Variants in FLRT2 observed in about 807,000 individuals in gnomAD.
FLRT2 encodes the protein fibronectin leucine rich transmembrane protein 2.
FLRT2 carries 15 observed loss-of-function variants against 40.0 expected under a neutral mutation model. The ratio of observed to expected loss-of-function variants is 0.38; its 90% CI spans 0.25 to 0.58. The LOEUF (loss-of-function observed/expected upper bound fraction) is 0.58. Among genes scored for constraint, FLRT2 ranks in the 20% least tolerant of loss-of-function variants. The pLI, the probability that FLRT2 is intolerant of heterozygous loss-of-function variation, is 0.71. For synonymous variants in FLRT2, 380 were observed against 336.8 expected (o/e 1.13, Z -1.41); for missense variants, 726 against 840.0 (o/e 0.86, Z 1.68).
At chr14:85,571,676 G>A (rs1452142916) in intron 1 of FLRT2, among the ~76,000 whole-genome samples, 3 of 152,140 alleles carry the variant, frequency 2.0e-5, no homozygotes, top group African/African-American at 7.2e-5. Flanking sequence ...GCCAAAGGGA[G>A]GCACAGCTTC....
chr14:85,538,138 T>G (rs933163047), intron 1 of FLRT2, among the ~76,000 whole-genome samples: 2 of 152,142 alleles, frequency 1.3e-5, no homozygotes, highest in Non-Finnish European at 2.9e-5. Flanking sequence ...ATACCACCTC[T>G]AACTTAATTT....
At position 85,546,975 on chromosome 14, in the gene FLRT2, A is replaced by G. The variant is rs540711021; in HGVS notation, c.-377+16441A>G. Among the ~76,000 whole-genome samples the G allele has an allele frequency of 3.3e-5, 5 of 152,290 alleles. No individual in the cohort carries two copies. The South Asian group carries it at 1.0e-3, about 32-fold the overall frequency. ...ATTCATCGTCACGTGTTCTGTCACT[A>G]GTCTTAGGCACTTAAAACAAATTTC... is the stretch of plus-strand genomic sequence containing the variant. On this transcript the variant is annotated intron_variant, in intron 1 of 1. Transcript: ENST00000330753.
Position 85,628,801 on chromosome 14 carries a change from A to G in FLRT2, c.*5304A>G, listed in dbSNP as rs1237279192. 5 of 152,190 alleles carry G rather than the reference A, an allele frequency of 3.3e-5. No individual in the cohort carries two copies. Among genetic ancestry groups the G allele is most frequent in the Non-Finnish European group, 5.9e-5 (4 of 68,024 alleles). The allele number at this position is 152,190 out of a possible 1,614,324, so 9.4% of individuals were successfully genotyped here. ...TTTTATGTAAAGTAACATCTATGCTATTCTTGGGTACTTTTGCCAAGAGTT... is the reference window on the plus strand; with the variant it reads ...TTTTATGTAAAGTAACATCTATGCTGTTCTTGGGTACTTTTGCCAAGAGTT... On this transcript the variant is annotated 3_prime_UTR_variant, in exon 2 of 2. Coordinates refer to ENST00000330753, the MANE Select transcript of FLRT2 (RefSeq NM_013231.6).
Position 85,622,503 on chromosome 14 carries a change from C to A in FLRT2, c.989C>A (p.Ser330Ter). The stretch of plus-strand genomic sequence containing the variant: ...ACAGAATGGCTCAAATATATCCCTT[C>A]ATCTCTCAACGTGCGGGGTTTCATG... ...WVTEWLKYIP[S>*]SLNVRGFMCQ... The change falls in exon 2 of 2, where the codon TCA becomes TAA. Residue 330 changes from serine to a stop codon, truncating the protein, a stop_gained. Coordinates refer to ENST00000330753, the MANE Select transcript of FLRT2 (RefSeq NM_013231.6). LOFTEE classifies it high-confidence loss of function. 1 of 1,614,120 alleles carries A rather than the reference C, an allele frequency of 6.2e-7. No homozygotes were observed. Among genetic ancestry groups the A allele is most frequent in the Non-Finnish European group, 8.5e-7 (1 of 1,180,046 alleles).
chr14:85,552,619 C>T (rs1203739907), intron 1 of FLRT2: 1 of 152,148 alleles, frequency 6.6e-6, no homozygotes, highest in Non-Finnish European at 1.5e-5. Context: ...TAACTAATCC[C>T]ACAATGTCCC....
chr14:85,619,163 C>T (rs768261356), intron 1 of FLRT2, among the ~76,000 whole-genome samples: 3 of 150,528 alleles, frequency 2.0e-5, no homozygotes, highest in Non-Finnish European at 4.4e-5. Flanking sequence ...GATCTTGGCT[C>T]ACCTCCGCCT....
intron 1 of FLRT2, among the ~76,000 whole-genome samples, chr14:85,532,610 T>C (rs1425130013): frequency 6.6e-6 from 1 of 152,196 alleles, no homozygotes; most frequent in Non-Finnish European, 1.5e-5. Flanking sequence ...TTAACAACGC[T>C]CTTGCCAGAA....
intron 1 of FLRT2, among the ~76,000 whole-genome samples, chr14:85,581,243 C>T (rs1891373888): frequency 6.6e-6 from 1 of 152,068 alleles, no homozygotes; most frequent in African/African-American, 2.4e-5. Context: ...AATTAGCTTC[C>T]CATTTGTTTG....
At chr14:85,616,948 T>C (rs1893164968) in intron 1 of FLRT2, among the ~76,000 whole-genome samples, 2 of 152,360 alleles carry the variant, frequency 1.3e-5, no homozygotes, top group South Asian at 2.1e-4. Context: ...TTTTAGGTTA[T>C]GTTTATTAGA....
intron 1 of FLRT2, among the ~76,000 whole-genome samples, chr14:85,574,977 C>T (rs752903709): frequency 6.6e-6 from 1 of 152,212 alleles, no homozygotes; most frequent in Non-Finnish European, 1.5e-5. Flanking sequence ...CAAACCAGGT[C>T]AGCACCAACA....
chr14:85,647,275 A>G lies in FLRT2; in HGVS notation c.*23778A>G, dbSNP rs551468907. 6.6e-6 allele frequency: 1 copy of G among 152,316 alleles called. No individual in the cohort carries two copies. The highest frequency in any genetic ancestry group is 1.5e-5 in the Non-Finnish European group (1 of 68,022). 9.4% of individuals were successfully genotyped at this position (152,316 alleles called of 1,614,324 possible). On this transcript the variant is annotated 3_prime_UTR_variant, in exon 2 of 2. Transcript: ENST00000330753. ...ATTTTACCTTTGCTTAATATGCCTT[A>G]TAGTTTACTAACTTACTTAACAGAG...
chr14:85,579,906 C>A (rs966491429), intron 1 of FLRT2, among the ~76,000 whole-genome samples: 1 of 146,854 alleles, frequency 6.8e-6, no homozygotes, highest in Admixed American at 6.9e-5. Flanking sequence ...GGTGGTCATT[C>A]CATGCACAGG....
Position 85,621,671 on chromosome 14 carries a change from A to G in FLRT2, c.157A>G (p.Ser53Gly), listed in dbSNP as rs771381338. ...DRNFVYCNER[S>G]LTSVPLGIPE... ...GAACTTTGTCTACTGTAATGAGCGAAGCTTGACCTCAGTGCCTCTTGGGAT... is the reference window on the plus strand; with the variant it reads ...GAACTTTGTCTACTGTAATGAGCGAGGCTTGACCTCAGTGCCTCTTGGGAT... The change falls in exon 2 of 2, where the codon AGC (serine) becomes GGC (glycine). Residue 53 changes from serine to glycine, a missense_variant. By Grantham distance (56) the Ser-to-Gly change is moderately conservative. Transcript: ENST00000330753. 4 of 1,614,070 alleles carry G rather than the reference A, an allele frequency of 2.5e-6. No individual in the cohort carries two copies. The highest frequency in any genetic ancestry group is 1.7e-6 in the Non-Finnish European group (2 of 1,180,016).
In FLRT2 at chr14:85,649,514, C is replaced by T. The variant is rs1894384586; in HGVS notation, c.*26017C>T. 6.6e-6 allele frequency: 1 copy of T among 152,064 alleles called. No individual in the cohort carries two copies. The highest frequency in any genetic ancestry group is 2.4e-5 in the African/African-American group (1 of 41,416). The allele number at this position is 152,064 out of a possible 1,614,324, so 9.4% of individuals were successfully genotyped here. On this transcript the variant is annotated 3_prime_UTR_variant, in exon 2 of 2. Transcript: ENST00000330753. Reference sequence around the variant, plus strand: ...AACCACATTTGTTATCAGTAGCACACAATATATTGGATTAAGTTTTTGAAT... The same window carrying T: ...AACCACATTTGTTATCAGTAGCACATAATATATTGGATTAAGTTTTTGAAT...
chr14:85,604,916 C>T (rs867243638), intron 1 of FLRT2, among the ~76,000 whole-genome samples: 1 of 152,122 alleles, frequency 6.6e-6, no homozygotes, highest in Non-Finnish European at 1.5e-5. Context: ...CTGGCTGTCA[C>T]TCCTGTTAGT....
chr14:85,598,932 T>G (rs1566748028), intron 1 of FLRT2, among the ~76,000 whole-genome samples: 1 of 150,368 alleles, frequency 6.7e-6, no homozygotes, highest in Non-Finnish European at 1.5e-5. Flanking sequence ...TTTTTTTTTT[T>G]TTTGAGACGG....
At chr14:85,619,994 G>A (rs746331177) in intron 1 of FLRT2, among the ~76,000 whole-genome samples, 1 of 152,162 alleles carries the variant, frequency 6.6e-6, no homozygotes, top group African/African-American at 2.4e-5. Flanking sequence ...CGTGAGCTTG[G>A]CAACTCTTCA....
At position 85,643,275 on chromosome 14, in the gene FLRT2, A is replaced by G. The variant is rs942975052; in HGVS notation, c.*19778A>G. On this transcript the variant is annotated 3_prime_UTR_variant, in exon 2 of 2. Coordinates refer to ENST00000330753, the MANE Select transcript of FLRT2 (RefSeq NM_013231.6). ...CTAAAAACATCTCATGAGAGAGTTC[A>G]GAGGGTATTTCTTTTTTTTCTTTCT... The G allele has an allele frequency of 2.6e-5, 4 of 152,092 alleles. No homozygotes were observed. Among genetic ancestry groups the G allele is most frequent in the Admixed American group, 6.6e-5 (1 of 15,242 alleles). The allele number at this position is 152,092 out of a possible 1,614,324, so 9.4% of individuals were successfully genotyped here. A position where few individuals can be genotyped will look rare whatever the true frequency, so the allele number is the denominator to read the frequency against.
chr14:85,611,706 C>A (rs554652646), intron 1 of FLRT2, among the ~76,000 whole-genome samples: 3 of 152,094 alleles, frequency 2.0e-5, no homozygotes, highest in Non-Finnish European at 4.4e-5. Flanking sequence ...TCATTTCAAG[C>A]GTAGGATTCT....
Sources: allele counts gnomAD v4.1 joint callset (sites outside exome capture counted in the v4.1 genomes callset), GRCh38; gene constraint gnomAD v4.1.1; transcripts MANE v1.5; gene names NCBI Gene and HGNC (gene_info 2026-07-23, HGNC 2026-07-21).